The following LRP12 variants were observed in gnomAD, a reference collection of about 807,000 sequenced individuals.
LRP12 encodes LDL receptor related protein 12, also known as low-density lipoprotein receptor-related protein 12.
A neutral mutation model predicts 66.0 loss-of-function variants in LRP12; 14 were observed. The observed-to-expected ratio is 0.21, with a 90% CI of 0.14 to 0.33. LRP12 has a LOEUF of 0.33. LRP12 is among the 10% of genes least tolerant of loss of function. The pLI, the probability that LRP12 is intolerant of heterozygous loss-of-function variation, is 1.00. For synonymous variants in LRP12, 357 were observed against 359.1 expected (o/e 0.99, Z 0.07); for missense variants, 889 against 1,053.4 (o/e 0.84, Z 2.16).
At chr8:104,536,426 T>A (rs750540353) in intron 1 of LRP12, among the ~76,000 whole-genome samples, 2 of 151,968 alleles carry the variant, frequency 1.3e-5, no homozygotes, top group Non-Finnish European at 2.9e-5. Context: ...CCTTACTAGA[T>A]CTTAATTTTG....
intron 1 of LRP12, among the ~76,000 whole-genome samples, chr8:104,539,308 T>C (rs1004133039): frequency 2.0e-5 from 3 of 152,186 alleles, no homozygotes; most frequent in Middle Eastern, 3.2e-3. Flanking sequence ...TCTAAAATAT[T>C]AGTGGATGAA....
At chr8:104,567,652 G>C (rs1171790661) in intron 1 of LRP12, among the ~76,000 whole-genome samples, 1 of 152,052 alleles carries the variant, frequency 6.6e-6, no homozygotes, top group Non-Finnish European at 1.5e-5. Context: ...TAGGATACAA[G>C]AAAAAGTATA....
chr8:104,542,992 C>CAAATAT lies in LRP12; in HGVS notation c.80-11035_80-11030dup, dbSNP rs1257000948. Among the ~76,000 whole-genome samples, 15 of 139,974 alleles carry CAAATAT rather than the reference C, an allele frequency of 1.1e-4. 1 individual carries two copies. The highest frequency in any genetic ancestry group is 4.5e-4 in the African/African-American group (15 of 33,656). 91.8% of individuals were successfully genotyped at this position (139,974 alleles called of 152,430 possible). On this transcript the variant is annotated intron_variant, in intron 1 of 6. Transcript: ENST00000276654. ...TTTGCGTGTGTTTATAGAACACACA[C>CAAATAT]AAATATATATATATATATATAAATA...
At chr8:104,558,157 T>G (rs925072478) in intron 1 of LRP12, among the ~76,000 whole-genome samples, 1 of 151,916 alleles carries the variant, frequency 6.6e-6, no homozygotes, top group African/African-American at 2.4e-5. Context: ...CTGCAGTGAA[T>G]TGAGATCACA....
At chr8:104,564,162 C>G (rs1411363552) in intron 1 of LRP12, among the ~76,000 whole-genome samples, 1 of 152,050 alleles carries the variant, frequency 6.6e-6, no homozygotes, top group African/African-American at 2.4e-5. Flanking sequence ...AGATGATACT[C>G]CAGATATGTA....
chr8:104,519,962 A>G (rs941744114), intron 2 of LRP12, among the ~76,000 whole-genome samples: 10 of 152,056 alleles, frequency 6.6e-5, no homozygotes, highest in Non-Finnish European at 1.2e-4. Flanking sequence ...GAAGGTCACT[A>G]ATGTTCAGAA....
At chr8:104,572,237 A>C (rs975955550) in intron 1 of LRP12, among the ~76,000 whole-genome samples, 1 of 152,212 alleles carries the variant, frequency 6.6e-6, no homozygotes, top group Admixed American at 6.5e-5. Context: ...AGTGGCTATC[A>C]CAGATTATGG....
intron 2 of LRP12, among the ~76,000 whole-genome samples, chr8:104,520,435 T>A (rs1588490409): frequency 6.6e-6 from 1 of 152,158 alleles, no homozygotes; most frequent in East Asian, 1.9e-4. Context: ...CATAAAAAGG[T>A]AAGGCAGAAA....
In LRP12 at chr8:104,548,296, T is replaced by A. The variant is rs1163698303; in HGVS notation, c.80-16333A>T. Among the ~76,000 whole-genome samples, 6 of 61,910 alleles carry A rather than the reference T, an allele frequency of 9.7e-5. 1 individual carries two copies. The highest frequency in any genetic ancestry group is 1.9e-4 in the African/African-American group (2 of 10,448). The allele number at this position is 61,910 out of a possible 152,430, so 40.6% of individuals were successfully genotyped here. A position where few individuals can be genotyped will look rare whatever the true frequency, so the allele number is the denominator to read the frequency against. Reference sequence around the variant, plus strand: ...ATATTATATTAATATATCATATATTTATATAATATATATTATATAAATATA... The same window carrying A: ...ATATTATATTAATATATCATATATTAATATAATATATATTATATAAATATA... On this transcript the variant is annotated intron_variant, in intron 1 of 6. Coordinates refer to ENST00000276654, the MANE Select transcript of LRP12 (RefSeq NM_013437.5).
intron 1 of LRP12, among the ~76,000 whole-genome samples, chr8:104,576,619 T>C (rs1315325458): frequency 6.6e-6 from 1 of 152,186 alleles, no homozygotes; most frequent in African/African-American, 2.4e-5. Flanking sequence ...GCACTAAACA[T>C]GGGAAGGAAG....
intron 1 of LRP12, among the ~76,000 whole-genome samples, chr8:104,581,775 G>A (rs570955325): frequency 3.9e-5 from 6 of 152,068 alleles, no homozygotes; most frequent in Non-Finnish European, 7.4e-5. Flanking sequence ...TACACGAAGA[G>A]CACAGCAGTA....
intron 1 of LRP12, among the ~76,000 whole-genome samples, chr8:104,564,876 T>A (rs959859580): frequency 8.6e-5 from 13 of 151,534 alleles, no homozygotes; most frequent in African/African-American, 2.7e-4. Context: ...GAGGTTGCAG[T>A]GAGCCTAGAT....
intron 2 of LRP12, among the ~76,000 whole-genome samples, chr8:104,530,853 T>C (rs1811315788): frequency 1.3e-5 from 2 of 152,184 alleles, no homozygotes; most frequent in African/African-American, 2.4e-5. Flanking sequence ...TTACTGTTAT[T>C]TGATAAATAC....
chr8:104,547,699 A>G (rs1339545516), intron 1 of LRP12, among the ~76,000 whole-genome samples: 2 of 126,476 alleles, frequency 1.6e-5, no homozygotes, highest in Non-Finnish European at 3.1e-5. Flanking sequence ...AAAATCATAT[A>G]TTATATATAA....
chr8:104,547,657 A>T (rs1373535059), intron 1 of LRP12, among the ~76,000 whole-genome samples: 12 of 118,708 alleles, frequency 1.0e-4, no homozygotes, highest in Admixed American at 1.9e-4. Flanking sequence ...ATTAAAATAT[A>T]ATATAATTCT....
intron 2 of LRP12, among the ~76,000 whole-genome samples, chr8:104,522,632 T>C (rs770198333): frequency 3.3e-5 from 5 of 152,110 alleles, no homozygotes; most frequent in African/African-American, 9.7e-5. Context: ...AGTTGTATCA[T>C]TGGTAATTGG....
intron 1 of LRP12, among the ~76,000 whole-genome samples, chr8:104,543,716 G>A (rs1354591033): frequency 6.6e-6 from 1 of 152,188 alleles, no homozygotes; most frequent in Non-Finnish European, 1.5e-5. Context: ...GAGGTCAGGA[G>A]TTCAAGACCA....
intron 1 of LRP12, among the ~76,000 whole-genome samples, chr8:104,540,718 T>TA (rs1259696810): frequency 6.6e-6 from 1 of 152,296 alleles, no homozygotes; most frequent in African/African-American, 2.4e-5. Context: ...AGATACATTA[T>TA]AATTTTTAAA....
chr8:104,508,896 G>A (rs1307083962), intron 3 of LRP12, 43 bp downstream of exon 3: 20 of 1,500,266 alleles, frequency 1.3e-5, no homozygotes, highest in African/African-American at 1.4e-5. Flanking sequence ...TGGAATTTAT[G>A]TTTTGTAATA....
Sources: allele counts gnomAD v4.1 joint callset (sites outside exome capture counted in the v4.1 genomes callset), GRCh38; gene constraint gnomAD v4.1.1; transcripts MANE v1.5; gene names NCBI Gene and HGNC (gene_info 2026-07-23, HGNC 2026-07-21).